PHACTR1: variants seen among roughly 807,000 people sequenced by gnomAD.
PHACTR1 encodes RPEL repeat containing 1.
A neutral mutation model predicts 69.2 loss-of-function variants in PHACTR1; 16 were observed. The ratio of observed to expected loss-of-function variants is 0.23; its 90% CI spans 0.16 to 0.35. The LOEUF (loss-of-function observed/expected upper bound fraction) is 0.35. Among genes scored for constraint, PHACTR1 ranks in the 10% least tolerant of loss-of-function variants. PHACTR1 has a pLI of 1.00. For missense variants in PHACTR1, 510 were observed against 734.7 expected, an observed-to-expected ratio of 0.69 and a Z score of 3.54; for synonymous variants, 312 against 284.5, an observed-to-expected ratio of 1.10 and a Z score of -0.97.
At chr6:13,194,609 A>G (rs1043837193) in intron 7 of PHACTR1, among the ~76,000 whole-genome samples, 1 of 152,004 alleles carries the variant, frequency 6.6e-6, no homozygotes, top group Non-Finnish European at 1.5e-5. Flanking sequence ...GGGTACATTT[A>G]ATAATGGATT....
At chr6:12,832,386 G>C (rs1777676631) in intron 4 of PHACTR1, among the ~76,000 whole-genome samples, 1 of 152,086 alleles carries the variant, frequency 6.6e-6, no homozygotes, top group African/African-American at 2.4e-5. Flanking sequence ...GTCATTGCTA[G>C]GCCAGCATAT....
chr6:13,168,383 A>G (rs1156231823), intron 6 of PHACTR1, among the ~76,000 whole-genome samples: 1 of 152,262 alleles, frequency 6.6e-6, no homozygotes, highest in Admixed American at 6.5e-5. Flanking sequence ...GAAAACCACT[A>G]TCCCAAACCT....
At chr6:12,908,986 T>G (rs192334286) in intron 4 of PHACTR1, among the ~76,000 whole-genome samples, 82 of 152,186 alleles carry the variant, frequency 5.4e-4, no homozygotes, top group African/African-American at 2.0e-3. Context: ...GAAGATGGCA[T>G]GAGGAGACGG....
intron 10 of PHACTR1, among the ~76,000 whole-genome samples, chr6:13,256,732 A>G (rs1562078150): frequency 6.6e-6 from 1 of 152,194 alleles, no homozygotes; most frequent in Admixed American, 6.5e-5. Flanking sequence ...CCTTTGCCCC[A>G]GTTCCCAATA....
chr6:13,286,909 GGT>G (rs1234077637), intron 14 of PHACTR1, among the ~76,000 whole-genome samples, 152 bp from the exon 15 acceptor site: 1 of 152,218 alleles, frequency 6.6e-6, no homozygotes, highest in Non-Finnish European at 1.5e-5. Context: ...TTCAAAGCCA[GGT>G]GTGTGTTCAG....
chr6:12,837,381 C>A (rs1206817358), intron 4 of PHACTR1, among the ~76,000 whole-genome samples: 1 of 152,060 alleles, frequency 6.6e-6, no homozygotes, highest in East Asian at 1.9e-4. Flanking sequence ...CAAGCACCTC[C>A]TCAATAATTC....
intron 5 of PHACTR1, among the ~76,000 whole-genome samples, chr6:13,128,539 A>G (rs6458677): frequency 0.74 from 111,846 of 151,596 alleles, 41,367 homozygotes; most frequent in East Asian, 0.79. Context: ...GTCTAGAAGA[A>G]GTAGAAGAAA....
chr6:12,852,039 T>G (rs1460054793), intron 4 of PHACTR1, among the ~76,000 whole-genome samples: 3 of 152,170 alleles, frequency 2.0e-5, no homozygotes, highest in African/African-American at 7.2e-5. Context: ...TTTGCCATGT[T>G]GGCCAGGCTG....
intron 4 of PHACTR1, among the ~76,000 whole-genome samples, chr6:12,938,245 T>C (rs1024308190): frequency 6.6e-5 from 10 of 152,160 alleles, no homozygotes; most frequent in African/African-American, 2.4e-4. Context: ...TGTCCTACTG[T>C]TTTTCAGATG....
At chr6:13,144,591 C>T (rs1388141248) in intron 5 of PHACTR1, among the ~76,000 whole-genome samples, 1 of 151,700 alleles carries the variant, frequency 6.6e-6, no homozygotes, top group Non-Finnish European at 1.5e-5. Context: ...TGAAAATTGA[C>T]AAACTGATTC....
intron 4 of PHACTR1, among the ~76,000 whole-genome samples, chr6:12,969,889 G>A (rs748876822): frequency 5.9e-5 from 9 of 152,332 alleles, no homozygotes; most frequent in Middle Eastern, 6.8e-3. Flanking sequence ...CTTGAACCCA[G>A]GAGGTGGAGG....
intron 4 of PHACTR1, among the ~76,000 whole-genome samples, chr6:13,031,346 T>C (rs1354295608): frequency 1.3e-5 from 2 of 152,366 alleles, no homozygotes; most frequent in Middle Eastern, 3.4e-3. Flanking sequence ...TTGGAATATG[T>C]TTATTGTGCC....
chr6:13,121,542 G>A (rs1306742166), intron 5 of PHACTR1, among the ~76,000 whole-genome samples: 1 of 152,098 alleles, frequency 6.6e-6, no homozygotes, highest in African/African-American at 2.4e-5. Context: ...GGATATTATC[G>A]TAGCTATTAT....
intron 4 of PHACTR1, among the ~76,000 whole-genome samples, chr6:12,932,576 A>G (rs975556235): frequency 6.6e-6 from 1 of 152,238 alleles, no homozygotes; most frequent in Non-Finnish European, 1.5e-5. Context: ...TTGTTTGTAT[A>G]CACAAAGACG....
At chr6:13,239,734 A>G (rs1584167027) in intron 10 of PHACTR1, among the ~76,000 whole-genome samples, 1 of 152,188 alleles carries the variant, frequency 6.6e-6, no homozygotes, top group Non-Finnish European at 1.5e-5. Flanking sequence ...CCCAGCCTCT[A>G]GCTGTTAAGA....
chr6:13,035,859 C>T (rs1192141982), intron 4 of PHACTR1, among the ~76,000 whole-genome samples: 4 of 152,140 alleles, frequency 2.6e-5, no homozygotes, highest in Non-Finnish European at 5.9e-5. Context: ...ATGCCCTGCA[C>T]ATTCAACCAC....
chr6:13,272,855 C>T lies in PHACTR1; in HGVS notation c.1392-5C>T, dbSNP rs745969587. 18 of 1,613,884 alleles carry T rather than the reference C, an allele frequency of 1.1e-5. No individual in the cohort carries two copies. Among genetic ancestry groups the T allele is most frequent in the East Asian group, 4.5e-5 (2 of 44,900 alleles). On this transcript the variant is annotated splice_polypyrimidine_tract_variant and splice_region_variant and intron_variant, in intron 10 of 14. Coordinates refer to ENST00000332995, the MANE Select transcript of PHACTR1 (RefSeq NM_030948.6). ...CCAAAAACTTTTCCTGGATTTTTTCCGTAGGCGGCTGAGCCAGAGGCCAAC... is the reference window on the plus strand; with the variant it reads ...CCAAAAACTTTTCCTGGATTTTTTCTGTAGGCGGCTGAGCCAGAGGCCAAC...
At chr6:13,131,304 G>A (rs956016516) in intron 5 of PHACTR1, among the ~76,000 whole-genome samples, 24 of 151,716 alleles carry the variant, frequency 1.6e-4, no homozygotes, top group Non-Finnish European at 2.9e-4. Context: ...CAATTACCTG[G>A]ATGGAGTTGG....
At position 12,727,363 on chromosome 6, in the gene PHACTR1, G is replaced by T. The variant is rs1459350623; in HGVS notation, c.103+8516G>T. Among the ~76,000 whole-genome samples, 4 of 152,120 alleles carry T rather than the reference G, an allele frequency of 2.6e-5. No homozygotes were observed. In the South Asian group the frequency reaches 8.3e-4, roughly 32 times the overall value. On this transcript the variant is annotated intron_variant, in intron 3 of 14. Coordinates refer to ENST00000332995, the MANE Select transcript of PHACTR1 (RefSeq NM_030948.6). ...TGCCCTGGGAACAGGACAATTCTCC[G>T]TAGGCAAAGTCTCATTCTTGGTGCT...
Sources: allele counts gnomAD v4.1 joint callset (sites outside exome capture counted in the v4.1 genomes callset), GRCh38; gene constraint gnomAD v4.1.1; transcripts MANE v1.5; gene names NCBI Gene and HGNC (gene_info 2026-07-23, HGNC 2026-07-21).